Variants in NKAIN2 observed in about 807,000 individuals in gnomAD.
NKAIN2 encodes sodium/potassium transporting ATPase interacting 2, also known as sodium/potassium-transporting ATPase subunit beta-1-interacting protein 2.
In NKAIN2, 14 loss-of-function variants were observed where a neutral mutation model predicts 32.6. That is an observed-to-expected ratio of 0.43 (90% CI 0.28 to 0.67). The LOEUF is 0.67. Ranked by LOEUF, NKAIN2 falls within the 30% of genes least tolerant of loss-of-function variation. The probability of loss-of-function intolerance (pLI) is 0.17; values close to 1 mark genes in which losing one functional copy is unlikely to be tolerated. For missense variants in NKAIN2, 198 were observed against 258.3 expected (o/e 0.77, Z 1.60); for synonymous variants, 80 against 87.2 (o/e 0.92, Z 0.46).
intron 1 of NKAIN2, among the ~76,000 whole-genome samples, chr6:124,210,357 A>C (rs1334085466): frequency 6.6e-6 from 1 of 151,884 alleles, no homozygotes; most frequent in Non-Finnish European, 1.5e-5. Flanking sequence ...GTATAGTTAA[A>C]AGTCAGGTAA....
chr6:123,981,425 A>G (rs1778892901), intron 1 of NKAIN2, among the ~76,000 whole-genome samples: 1 of 152,138 alleles, frequency 6.6e-6, no homozygotes, highest in African/African-American at 2.4e-5. Context: ...TTTTCCAGGG[A>G]GTTCTTGTAC....
chr6:124,106,343 T>C (rs955548180), intron 1 of NKAIN2, among the ~76,000 whole-genome samples: 8 of 152,196 alleles, frequency 5.3e-5, no homozygotes, highest in Non-Finnish European at 8.8e-5. Flanking sequence ...ATGTTTGTTC[T>C]TTAAGAGTTT....
At chr6:124,183,595 T>A (rs2114553773) in intron 1 of NKAIN2, among the ~76,000 whole-genome samples, 1 of 152,110 alleles carries the variant, frequency 6.6e-6, no homozygotes, top group African/African-American at 2.4e-5. Flanking sequence ...TGGAATATTT[T>A]TCTAAAAGAG....
chr6:123,923,332 A>C (rs1010089456), intron 1 of NKAIN2, among the ~76,000 whole-genome samples: 1 of 151,070 alleles, frequency 6.6e-6, no homozygotes, highest in African/African-American at 2.4e-5. Context: ...TAAAGTTGAC[A>C]TCTGTAACTT....
At chr6:123,866,486 G>A (rs9490977) in intron 1 of NKAIN2, among the ~76,000 whole-genome samples, 3,140 of 151,994 alleles carry the variant, frequency 0.021, 100 homozygotes, top group African/African-American at 0.071. Flanking sequence ...GCTGGAGTGC[G>A]GTGGTGCGAT....
chr6:123,858,783 G>C (rs1291753080), intron 1 of NKAIN2, among the ~76,000 whole-genome samples: 1 of 152,162 alleles, frequency 6.6e-6, no homozygotes, highest in Non-Finnish European at 1.5e-5. Flanking sequence ...GCTGAGGTCA[G>C]TACTGGGAAG....
At chr6:124,293,791 A>G (rs768489120) in intron 2 of NKAIN2, among the ~76,000 whole-genome samples, 1 of 152,070 alleles carries the variant, frequency 6.6e-6, no homozygotes, top group Non-Finnish European at 1.5e-5. Context: ...TCATGTATTA[A>G]TATCTCGTAA....
At chr6:124,791,620 A>T (rs1779751655) in intron 5 of NKAIN2, among the ~76,000 whole-genome samples, 1 of 152,160 alleles carries the variant, frequency 6.6e-6, no homozygotes, top group South Asian at 2.1e-4. Context: ...CTTTCTTTTC[A>T]TTGAAAACCT....
In NKAIN2 at chr6:124,759,599, AC is replaced by A. The variant is rs1298106038; in HGVS notation, c.475-31739del. Among the ~76,000 whole-genome samples the A allele has an allele frequency of 2.6e-4, 7 of 26,802 alleles. No individual in the cohort carries two copies. The East Asian group carries it at 3.7e-3, about 14-fold the overall frequency. The allele number at this position is 26,802 out of a possible 152,430, so 17.6% of individuals were successfully genotyped here. Reference sequence around the variant, plus strand: ...CTGTCTGAAATTGCAACACACACACACACACACACACACACACACACACACA... The same window carrying A: ...CTGTCTGAAATTGCAACACACACACAACACACACACACACACACACACACA... On this transcript the variant is annotated intron_variant, in intron 4 of 6. Transcript: ENST00000368417.
In NKAIN2 at chr6:124,272,979, G is replaced by A. The variant is rs897591617; in HGVS notation, c.55-10026G>A. On this transcript the variant is annotated intron_variant, in intron 1 of 6. Coordinates refer to ENST00000368417, the MANE Select transcript of NKAIN2 (RefSeq NM_001040214.3). ...TTTACCCAATGCCTGTTCCCCCACT[G>A]TATCTTGGAAGTAACTAACTTGTTT... Among the ~76,000 whole-genome samples, 48 of 152,188 alleles carry A rather than the reference G, an allele frequency of 3.2e-4. 1 individual carries two copies. Among genetic ancestry groups the A allele is most frequent in the Admixed American group, 2.6e-3 (40 of 15,284 alleles).
chr6:124,136,221 A>G (rs565913277), intron 1 of NKAIN2, among the ~76,000 whole-genome samples: 6 of 152,304 alleles, frequency 3.9e-5, no homozygotes, highest in African/African-American at 1.4e-4. Context: ...AATACAAAAT[A>G]TCATTCAAGG....
intron 1 of NKAIN2, chr6:123,823,094 T>G (rs893506355): frequency 3.3e-5 from 5 of 152,182 alleles, no homozygotes; most frequent in African/African-American, 1.2e-4. Context: ...GACCACCTAC[T>G]AAGCTGTAGT....
intron 1 of NKAIN2, among the ~76,000 whole-genome samples, chr6:123,806,409 T>C (rs1230292989): frequency 1.3e-5 from 2 of 152,086 alleles, no homozygotes; most frequent in African/African-American, 4.8e-5. Context: ...ATTGTTTTGA[T>C]AGGGTGAAAT....
rs182130224 is a variant in NKAIN2 at position 124,715,220 on chromosome 6, A to G, written c.474+56834A>G. On this transcript the variant is annotated intron_variant, in intron 4 of 6. Coordinates refer to ENST00000368417, the MANE Select transcript of NKAIN2 (RefSeq NM_001040214.3). ...TAGCTGCTAAGAATGAAAATCAGCT[A>G]TGGAATCTCCCTTCATGCTCCACAT... Among the ~76,000 whole-genome samples the G allele has an allele frequency of 3.9e-3, 590 of 152,292 alleles. 5 individuals carry two copies. Among genetic ancestry groups the G allele is most frequent in the Admixed American group, 7.3e-3 (111 of 15,296 alleles).
At chr6:124,090,363 G>A (rs1784361608) in intron 1 of NKAIN2, among the ~76,000 whole-genome samples, 1 of 151,982 alleles carries the variant, frequency 6.6e-6, no homozygotes, top group South Asian at 2.1e-4. Flanking sequence ...GCTGCAAAAA[G>A]TTGACATGTG....
In NKAIN2 at chr6:123,804,032, G is replaced by A. The variant is rs565664597; in HGVS notation, c.-169G>A. 7.4e-6 allele frequency: 5 copies of A among 674,596 alleles called. No individual in the cohort carries two copies. Among genetic ancestry groups the A allele is most frequent in the African/African-American group, 7.2e-5 (4 of 55,490 alleles). 41.8% of individuals were successfully genotyped at this position (674,596 alleles called of 1,614,324 possible). On this transcript the variant is annotated 5_prime_UTR_variant, in exon 1 of 7. Transcript: ENST00000368417. ...TGCCGCCGCCGCCGCCGCCGCGCCA[G>A]CAGGTCCTAATGCCTGTCACTTCCC...
At chr6:124,538,278 A>C (rs142038022) in intron 3 of NKAIN2, among the ~76,000 whole-genome samples, 1 of 151,832 alleles carries the variant, frequency 6.6e-6, no homozygotes, top group South Asian at 2.1e-4. Context: ...AGACTACCTT[A>C]GTTATTTTCT....
intron 3 of NKAIN2, among the ~76,000 whole-genome samples, chr6:124,392,357 AAATGTCCTTTGTGAC>A (rs1455926772): frequency 7.2e-5 from 11 of 152,194 alleles, no homozygotes; most frequent in African/African-American, 2.7e-4. Context: ...ATTAACAAAT[AAATGTCCTTTGTGAC>A]GTTTTTCACT....
chr6:124,568,384 G>A (rs529264840), intron 3 of NKAIN2, among the ~76,000 whole-genome samples: 120 of 152,254 alleles, frequency 7.9e-4, no homozygotes, highest in African/African-American at 2.8e-3. Flanking sequence ...GTGATATAGA[G>A]AACATGTACT....
Sources: gnomAD v4.1 joint callset for allele counts (sites outside exome capture counted in the v4.1 genomes callset) on GRCh38, gnomAD v4.1.1 for gene constraint, MANE v1.5 for transcripts, NCBI Gene and HGNC (gene_info 2026-07-23, HGNC 2026-07-21) for gene names.